CACNA1E: variants seen among roughly 807,000 people sequenced by gnomAD.
CACNA1E encodes calcium voltage-gated channel subunit alpha1 E, also known as voltage-dependent R-type calcium channel subunit alpha-1E.
CACNA1E carries 40 observed loss-of-function variants against 259.2 expected under a neutral mutation model. That is an observed-to-expected ratio of 0.15 (90% CI 0.12 to 0.20). CACNA1E has a LOEUF of 0.20. Among genes scored for constraint, CACNA1E ranks in the 10% least tolerant of loss-of-function variants. CACNA1E has a pLI of 1.00. For missense variants in CACNA1E, 1,874 were observed against 3,040.1 expected, an observed-to-expected ratio of 0.62 and a Z score of 9.02; for synonymous variants, 1,104 against 1,138.5, an observed-to-expected ratio of 0.97 and a Z score of 0.61.
chr1:181,721,639 A>G, intron 15 of CACNA1E, 119 bp from the exon 16 acceptor site: 1 of 542,804 alleles, frequency 1.8e-6, no homozygotes, highest in Non-Finnish European at 3.3e-6. Flanking sequence ...ACTCCCTGGC[A>G]AGATTGTCAA....
At chr1:181,336,862 G>A (rs982484886) in intron 1 of CACNA1E, among the ~76,000 whole-genome samples, 1 of 151,594 alleles carries the variant, frequency 6.6e-6, no homozygotes, top group Admixed American at 6.6e-5. Flanking sequence ...CTAGCATAAT[G>A]TCTTTTTTTC....
At chr1:181,724,085 C>G (rs1351852643) in intron 16 of CACNA1E, among the ~76,000 whole-genome samples, 1 of 152,154 alleles carries the variant, frequency 6.6e-6, no homozygotes, top group African/African-American at 2.4e-5. Context: ...CAGAAGCTAC[C>G]TAGGGGCTAC....
intron 6 of CACNA1E, among the ~76,000 whole-genome samples, chr1:181,603,815 C>T (rs1006006328): frequency 2.0e-5 from 3 of 152,170 alleles, no homozygotes; most frequent in African/African-American, 7.2e-5. Flanking sequence ...CTCCTGTTCT[C>T]GCCTCCGCCT....
chr1:181,324,345 A>G (rs761385283), intron 1 of CACNA1E, among the ~76,000 whole-genome samples: 10 of 152,232 alleles, frequency 6.6e-5, no homozygotes, highest in Admixed American at 2.0e-4. Context: ...TAGCAACATC[A>G]GGGAAGGCTT....
chr1:181,368,977 A>C (rs1407120437), intron 1 of CACNA1E, among the ~76,000 whole-genome samples: 2 of 152,302 alleles, frequency 1.3e-5, no homozygotes, highest in East Asian at 3.9e-4. Flanking sequence ...ATTCTTTTAA[A>C]ATTACTGCTA....
upstream of CACNA1E, among the ~76,000 whole-genome samples, chr1:181,479,940 T>C (rs1174126971): frequency 6.6e-6 from 1 of 152,174 alleles, no homozygotes; most frequent in Admixed American, 6.5e-5. Context: ...CAGGCTCAGC[T>C]GTGGGGCTTA....
In CACNA1E at chr1:181,806,146, C is replaced by G. The variant is rs1046264692; in HGVS notation, c.*7312C>G. The G allele has an allele frequency of 5.3e-5, 8 of 152,174 alleles. No individual in the cohort carries two copies. The highest frequency in any genetic ancestry group is 1.0e-4 in the Non-Finnish European group (7 of 68,038). 9.4% of individuals were successfully genotyped at this position (152,174 alleles called of 1,614,324 possible). ...AGCGGCTCGAAGACAATCTTTATGACTTCAGCAACTCTTCAACATAGTAGC... is the reference window on the plus strand; with the variant it reads ...AGCGGCTCGAAGACAATCTTTATGAGTTCAGCAACTCTTCAACATAGTAGC... On this transcript the variant is annotated 3_prime_UTR_variant, in exon 48 of 48. Coordinates refer to ENST00000367573, the MANE Select transcript of CACNA1E (RefSeq NM_001205293.3).
chr1:181,720,156 G>T, intron 13 of CACNA1E, 50 bp from the exon 14 acceptor site: 1 of 1,607,662 alleles, frequency 6.2e-7, no homozygotes, highest in Non-Finnish European at 8.5e-7. Flanking sequence ...GGCTTGGTGG[G>T]TGACTTGGTA....
chr1:181,367,054 G>A (rs984156448), intron 1 of CACNA1E, among the ~76,000 whole-genome samples: 2 of 152,152 alleles, frequency 1.3e-5, no homozygotes, highest in Admixed American at 1.3e-4. Flanking sequence ...GGGAGCTACC[G>A]ATGGGTGGGC....
intron 1 of CACNA1E, among the ~76,000 whole-genome samples, chr1:181,388,217 A>T (rs1325761875): frequency 6.6e-6 from 1 of 152,198 alleles, no homozygotes; most frequent in African/African-American, 2.4e-5. Flanking sequence ...GAACCGTGGG[A>T]GACTACAGAG....
At chr1:181,571,530 T>C (rs1650410843) in intron 3 of CACNA1E, among the ~76,000 whole-genome samples, 1 of 152,236 alleles carries the variant, frequency 6.6e-6, no homozygotes, top group Non-Finnish European at 1.5e-5. Context: ...TATGGAATGC[T>C]TTTGAATGGA....
At position 181,729,632 on chromosome 1, in the gene CACNA1E, T is replaced by C. The variant is rs866702015; in HGVS notation, c.2241-1543T>C. 4.6e-4 allele frequency among the ~76,000 whole-genome samples: 70 copies of C among 152,328 alleles called. 1 individual carries two copies. Among genetic ancestry groups the C allele is most frequent in the African/African-American group, 1.6e-3 (66 of 41,580 alleles). On this transcript the variant is annotated intron_variant, in intron 18 of 47. Coordinates refer to ENST00000367573, the MANE Select transcript of CACNA1E (RefSeq NM_001205293.3). ...GCCCTTCCTATCCCACAAGGGCTAT[T>C]GTGAGGCGTACACAAGGTCTCATTC...
chr1:181,766,752 G>A (rs1022786756), intron 35 of CACNA1E, 141 bp downstream of exon 35: 28 of 656,764 alleles, frequency 4.3e-5, no homozygotes, highest in Non-Finnish European at 7.0e-5. Context: ...TTGTCACAGT[G>A]TGACCTTGGG....
At chr1:181,724,403 G>A (rs1654692558) in intron 16 of CACNA1E, 67 bp from the exon 17 acceptor site, 1 of 1,242,444 alleles carries the variant, frequency 8.0e-7, no homozygotes, top group African/African-American at 1.5e-5. Flanking sequence ...AGATTATCAG[G>A]TGGCCTCTCA....
chr1:181,645,378 C>T (rs868540358), intron 6 of CACNA1E, among the ~76,000 whole-genome samples: 4 of 152,056 alleles, frequency 2.6e-5, no homozygotes, highest in Non-Finnish European at 5.9e-5. Context: ...AGCTCCAGGG[C>T]GCTGCTACTG....
intron 6 of CACNA1E, among the ~76,000 whole-genome samples, chr1:181,611,248 A>G (rs998954156): frequency 6.6e-6 from 1 of 152,144 alleles, no homozygotes; most frequent in African/African-American, 2.4e-5. Context: ...CACTGTCTCC[A>G]CTAGCAAATT....
chr1:181,650,068 G>A (rs980202417), intron 6 of CACNA1E, among the ~76,000 whole-genome samples: 1 of 152,170 alleles, frequency 6.6e-6, no homozygotes, highest in Non-Finnish European at 1.5e-5. Context: ...TGACTGATAA[G>A]AGGCTATATT....
intron 7 of CACNA1E, among the ~76,000 whole-genome samples, chr1:181,679,223 GTATAT>G (rs1649680102): frequency 6.6e-6 from 1 of 152,210 alleles, no homozygotes; most frequent in Admixed American, 6.5e-5. Context: ...GCTAGGTTTT[GTATAT>G]TATCTCTTCC....
chr1:181,512,281 A>G (rs1168463548), intron 3 of CACNA1E, among the ~76,000 whole-genome samples: 4 of 152,092 alleles, frequency 2.6e-5, no homozygotes, highest in East Asian at 1.9e-4. Context: ...GTGGCTTCCT[A>G]TTGGTCTTTG....
Sources: gnomAD v4.1 joint callset for allele counts (sites outside exome capture counted in the v4.1 genomes callset) on GRCh38, gnomAD v4.1.1 for gene constraint, MANE v1.5 for transcripts, NCBI Gene and HGNC (gene_info 2026-07-23, HGNC 2026-07-21) for gene names.